Variants in ATF2 observed in about 807,000 individuals in gnomAD.
ATF2 encodes activating transcription factor 2.
ATF2 carries 24 observed loss-of-function variants against 60.6 expected under a neutral mutation model. The observed-to-expected ratio is 0.40, with a 90% CI of 0.29 to 0.56. The LOEUF is 0.56. Among genes scored for constraint, ATF2 ranks in the 20% least tolerant of loss-of-function variants. ATF2 has a pLI of 0.54. For synonymous variants in ATF2, 206 were observed against 215.4 expected (o/e 0.96, Z 0.38); for missense variants, 433 against 607.7 (o/e 0.71, Z 3.02).
At chr2:175,111,509 G>T in intron 10 of ATF2, 59 bp downstream of exon 10, 1 of 1,447,516 alleles carries the variant, frequency 6.9e-7, no homozygotes, top group Non-Finnish European at 9.6e-7. Flanking sequence ...AGGCTTTAGT[G>T]AAAACATTAA....
intron 9 of ATF2, among the ~76,000 whole-genome samples, chr2:175,113,605 T>C (rs1696355812): frequency 6.6e-6 from 1 of 152,118 alleles, no homozygotes; most frequent in South Asian, 2.1e-4. Context: ...CAAACCCTAC[T>C]TGACCACAAA....
intron 1 of ATF2, among the ~76,000 whole-genome samples, chr2:175,161,855 G>A (rs934250858): frequency 1.3e-5 from 2 of 151,820 alleles, no homozygotes; most frequent in Non-Finnish European, 2.9e-5. Context: ...CTGCCTCCCA[G>A]GTTCGAGCAA....
chr2:175,111,759 G>T, intron 9 of ATF2, 105 bp from the exon 10 acceptor site: 1 of 961,448 alleles, frequency 1.0e-6, no homozygotes, highest in Non-Finnish European at 1.5e-6. Flanking sequence ...TCAGAACATT[G>T]TAAATTTATC....
At chr2:175,133,031 G>T (rs1368174455) in intron 3 of ATF2, among the ~76,000 whole-genome samples, 1 of 151,824 alleles carries the variant, frequency 6.6e-6, no homozygotes, top group Non-Finnish European at 1.5e-5. Flanking sequence ...AGAGGTTGCA[G>T]TGAGCTGAGA....
intron 5 of ATF2, 81 bp from the exon 6 acceptor site, chr2:175,118,450 G>T: frequency 1.7e-6 from 2 of 1,158,412 alleles, no homozygotes; most frequent in Non-Finnish European, 2.5e-6. Flanking sequence ...TAACAAATTA[G>T]CAGGACTGGT....
chr2:175,162,437 G>A (rs1213631658), intron 1 of ATF2, among the ~76,000 whole-genome samples: 1 of 152,120 alleles, frequency 6.6e-6, no homozygotes, highest in African/African-American at 2.4e-5. Context: ...AAGTCTTTGG[G>A]GAGGCAAAAA....
At chr2:175,141,084 T>TACACACAC (rs150440606) in intron 2 of ATF2, among the ~76,000 whole-genome samples, 6,989 of 133,466 alleles carry the variant, frequency 0.052, 222 homozygotes, top group East Asian at 0.11. Context: ...TATATATGTA[T>TACACACAC]ACACACACAC....
chr2:175,074,849 A>G lies in ATF2; in HGVS notation c.1292-14T>C. ...CTTTATCAGCAGCTGGGTGGAAAAAAGAAAAATTATTCATTTTCCTAAAAT... is the reference window on the plus strand; with the variant it reads ...CTTTATCAGCAGCTGGGTGGAAAAAGGAAAAATTATTCATTTTCCTAAAAT... On this transcript the variant is annotated splice_polypyrimidine_tract_variant and intron_variant, in intron 13 of 13. Transcript: ENST00000264110. 6.2e-7 allele frequency: 1 copy of G among 1,613,084 alleles called. No individual in the cohort carries two copies. Among genetic ancestry groups the G allele is most frequent in the African/African-American group, 1.3e-5 (1 of 75,002 alleles).
intron 1 of ATF2, among the ~76,000 whole-genome samples, chr2:175,152,509 C>A (rs1210821817): frequency 1.3e-5 from 2 of 152,068 alleles, no homozygotes; most frequent in Admixed American, 6.5e-5. Flanking sequence ...TAAGAAAAGG[C>A]ACAATATTCA....
chr2:175,079,186 T>A (rs1345541728), intron 13 of ATF2, among the ~76,000 whole-genome samples: 1 of 152,188 alleles, frequency 6.6e-6, no homozygotes, highest in African/African-American at 2.4e-5. Context: ...ATTGCCTGGA[T>A]AATAGAGTCA....
At chr2:175,104,918 T>C (rs1695547728) in intron 10 of ATF2, among the ~76,000 whole-genome samples, 2 of 152,200 alleles carry the variant, frequency 1.3e-5, no homozygotes, top group East Asian at 1.9e-4. Context: ...CCTGTGATTT[T>C]AGTTGTTAAG....
At chr2:175,095,372 G>A (rs114867551) in intron 11 of ATF2, among the ~76,000 whole-genome samples, 7 of 152,112 alleles carry the variant, frequency 4.6e-5, no homozygotes, top group Non-Finnish European at 5.9e-5. Flanking sequence ...GATTATAGGC[G>A]TGAGCCACAA....
chr2:175,132,654 A>T (rs1023242503), intron 3 of ATF2: 2 of 152,218 alleles, frequency 1.3e-5, no homozygotes, highest in Admixed American at 1.3e-4. Context: ...AATCTGCATA[A>T]GATAGGTACT....
chr2:175,088,971 CGGGAGTTCGAGACCAGCCTG>C (rs886964606), intron 12 of ATF2, among the ~76,000 whole-genome samples: 1 of 152,090 alleles, frequency 6.6e-6, no homozygotes, highest in African/African-American at 2.4e-5. Flanking sequence ...CACTTGAGGT[CGGGAGTTCGAGACCAGCCTG>C]ACCAACGTGG....
chr2:175,094,403 G>GAAAAAAAAAAAAAAAAAAAAAAAAAAA (rs61440218), intron 11 of ATF2, among the ~76,000 whole-genome samples: 1 of 61,138 alleles, frequency 1.6e-5, no homozygotes, highest in Non-Finnish European at 3.4e-5. Flanking sequence ...CAAAAAATAC[G>GAAAAAAAAAAAAAAAAAAAAAAAAAAA]AAAAAAAAAA....
At chr2:175,140,773 G>A (rs905043120) in intron 2 of ATF2, among the ~76,000 whole-genome samples, 52 of 148,784 alleles carry the variant, frequency 3.5e-4, no homozygotes, top group African/African-American at 1.2e-3. Flanking sequence ...AGGATCAGAG[G>A]CCAGGAGTTC....
In ATF2 at chr2:175,094,403, GAAAAAA is replaced by G. The variant is rs61440218; in HGVS notation, c.979-1142_979-1137del. ...AGCGAGACTCAGTCTCAAAAAATAC[GAAAAAA>G]AAAAAAAAAAAAAAAAAAAAGAAAG... On this transcript the variant is annotated intron_variant, in intron 11 of 13. Coordinates refer to ENST00000264110, the MANE Select transcript of ATF2 (RefSeq NM_001880.4). Among the ~76,000 whole-genome samples, 185 of 61,148 alleles carry G rather than the reference GAAAAAA, an allele frequency of 3.0e-3. 3 individuals carry two copies. Among genetic ancestry groups the G allele is most frequent in the African/African-American group, 6.7e-3 (144 of 21,556 alleles). The allele number at this position is 61,148 out of a possible 152,430, so 40.1% of individuals were successfully genotyped here.
At chr2:175,095,861 T>C (rs1694901499) in intron 11 of ATF2, among the ~76,000 whole-genome samples, 1 of 152,202 alleles carries the variant, frequency 6.6e-6, no homozygotes, top group African/African-American at 2.4e-5. Flanking sequence ...AAAATCATAC[T>C]TAACTTGCAG....
chr2:175,119,894 T>A (rs1696836123), intron 5 of ATF2, among the ~76,000 whole-genome samples: 1 of 151,662 alleles, frequency 6.6e-6, no homozygotes, highest in Non-Finnish European at 1.5e-5. Context: ...ACTGGAACCA[T>A]CAGACTTCAG....
Sources: allele counts gnomAD v4.1 joint callset (sites outside exome capture counted in the v4.1 genomes callset), GRCh38; gene constraint gnomAD v4.1.1; transcripts MANE v1.5; gene names NCBI Gene and HGNC (gene_info 2026-07-23, HGNC 2026-07-21).